RASEF: variants seen among roughly 807,000 people sequenced by gnomAD.
RASEF encodes RAS and EF-hand domain containing, also known as ras and EF-hand domain-containing protein.
RASEF carries 68 observed loss-of-function variants against 90.1 expected under a neutral mutation model. The observed-to-expected ratio is 0.75, with a 90% CI of 0.62 to 0.92. The LOEUF (loss-of-function observed/expected upper bound fraction) is 0.92, where lower values mean the gene tolerates loss of function less well. RASEF is among the 40% of genes least tolerant of loss of function. The pLI, the probability that RASEF is intolerant of heterozygous loss-of-function variation, is 0.00. For missense variants in RASEF, 949 were observed against 937.2 expected (o/e 1.01, Z -0.16); for synonymous variants, 331 against 345.2 (o/e 0.96, Z 0.46).
the RASEF span, among the ~76,000 whole-genome samples, chr9:83,154,985 C>T: frequency 6.6e-6 from 1 of 152,204 alleles, no homozygotes; most frequent in Non-Finnish European, 1.5e-5. Context: ...CCTCATCTAC[C>T]AGCCTGCTGA....
At chr9:83,060,006 T>C (rs1171332004) in intron 1 of RASEF, among the ~76,000 whole-genome samples, 1 of 152,202 alleles carries the variant, frequency 6.6e-6, no homozygotes, top group Non-Finnish European at 1.5e-5. Context: ...TTGCTTAATA[T>C]TTTGCTTGAA....
At chr9:83,155,456 A>AT in the RASEF span, among the ~76,000 whole-genome samples, 1 of 152,144 alleles carries the variant, frequency 6.6e-6, no homozygotes, top group Non-Finnish European at 1.5e-5. Context: ...AGCAAAATGG[A>AT]TTTCCCCCTA....
the RASEF span, among the ~76,000 whole-genome samples, chr9:83,090,499 G>A: frequency 6.6e-6 from 1 of 151,922 alleles, no homozygotes; most frequent in African/African-American, 2.4e-5. Flanking sequence ...CACCTCCCAG[G>A]TTCAAGTGAT....
At chr9:83,102,399 C>T in the RASEF span, among the ~76,000 whole-genome samples, 130 of 152,158 alleles carry the variant, frequency 8.5e-4, 2 homozygotes, top group Middle Eastern at 3.2e-3. Context: ...TCTTGCTGGA[C>T]CTTAGCTGCC....
At chr9:83,121,729 C>T in the RASEF span, among the ~76,000 whole-genome samples, 2 of 152,146 alleles carry the variant, frequency 1.3e-5, no homozygotes, top group African/African-American at 4.8e-5. Flanking sequence ...ACTAAGAGAG[C>T]TGACGCTACA....
chr9:83,026,967 C>T (rs533094260), intron 1 of RASEF, among the ~76,000 whole-genome samples: 15 of 152,272 alleles, frequency 9.9e-5, no homozygotes, highest in African/African-American at 3.4e-4. Context: ...TTCCAGGTTG[C>T]CACGTACACT....
the RASEF span, among the ~76,000 whole-genome samples, chr9:83,094,309 C>CA: frequency 2.5e-4 from 36 of 146,806 alleles, no homozygotes; most frequent in Non-Finnish European, 4.7e-4. Context: ...ACACTTAGTA[C>CA]AAAAAAAGCT....
At chr9:83,020,209 G>A (rs1300416387) in intron 3 of RASEF, among the ~76,000 whole-genome samples, 1 of 152,190 alleles carries the variant, frequency 6.6e-6, no homozygotes, top group East Asian at 1.9e-4. Flanking sequence ...GCAGGGCAGG[G>A]CATCAAGAAG....
At chr9:83,047,716 A>C (rs779540845) in intron 1 of RASEF, among the ~76,000 whole-genome samples, 1 of 152,218 alleles carries the variant, frequency 6.6e-6, no homozygotes, top group Non-Finnish European at 1.5e-5. Context: ...AATAACATCT[A>C]AGAGCAAACA....
chr9:83,164,855 T>C, the RASEF span, among the ~76,000 whole-genome samples: 1 of 152,000 alleles, frequency 6.6e-6, no homozygotes, highest in Non-Finnish European at 1.5e-5. Context: ...GGAGTAGCTA[T>C]ATTAATTTTG....
chr9:83,196,004 C>G, the RASEF span, among the ~76,000 whole-genome samples: 2 of 151,858 alleles, frequency 1.3e-5, no homozygotes, highest in East Asian at 3.9e-4. Context: ...AACTTGGACC[C>G]GGGGGTGGCA....
chr9:83,167,561 A>G, the RASEF span, among the ~76,000 whole-genome samples: 1 of 152,130 alleles, frequency 6.6e-6, no homozygotes, highest in Admixed American at 6.6e-5. Flanking sequence ...TTAAATGCAT[A>G]CAATCAGAGG....
At chr9:83,193,124 C>G in the RASEF span, among the ~76,000 whole-genome samples, 1 of 152,220 alleles carries the variant, frequency 6.6e-6, no homozygotes, top group Non-Finnish European at 1.5e-5. Context: ...TGGCCAACAA[C>G]AGAAAATGGG....
At chr9:83,093,425 G>A in the RASEF span, among the ~76,000 whole-genome samples, 5 of 152,356 alleles carry the variant, frequency 3.3e-5, no homozygotes, top group East Asian at 5.8e-4. Context: ...CGGGCTGCAG[G>A]TCCCAAGCCC....
chr9:83,182,367 A>T, the RASEF span, among the ~76,000 whole-genome samples: 2 of 152,206 alleles, frequency 1.3e-5, no homozygotes, highest in Non-Finnish European at 2.9e-5. Context: ...CAATCCACCG[A>T]CATTGGCACC....
chr9:83,147,556 G>A, the RASEF span, among the ~76,000 whole-genome samples: 1 of 152,114 alleles, frequency 6.6e-6, no homozygotes, highest in Non-Finnish European at 1.5e-5. Flanking sequence ...ACAAGCCAGG[G>A]TAAGCACTTT....
rs115826463 is a variant in RASEF, at chr9:82,989,334, T to G, written c.2117+1057A>C. The stretch of plus-strand genomic sequence containing the variant: ...GTTCAAGTGATCCTCCAGCCTTGCC[T>G]CTCATAAAAATGATAAAAATAATCA... On this transcript the variant is annotated intron_variant, in intron 16 of 16. Coordinates refer to ENST00000376447, the MANE Select transcript of RASEF (RefSeq NM_152573.4). Among the ~76,000 whole-genome samples, 1,101 of 152,210 alleles carry G rather than the reference T, an allele frequency of 7.2e-3. 16 individuals carry two copies. Among genetic ancestry groups the G allele is most frequent in the African/African-American group, 0.025 (1,039 of 41,516 alleles).
chr9:83,164,347 G>GTGTGTATACATA, the RASEF span, among the ~76,000 whole-genome samples: 1 of 129,988 alleles, frequency 7.7e-6, no homozygotes, highest in Admixed American at 7.9e-5. Flanking sequence ...GTATATGTGT[G>GTGTGTATACATA]TATATATATA....
intron 1 of RASEF, chr9:83,055,803 A>G (rs934118849): frequency 8.1e-6 from 5 of 617,820 alleles, no homozygotes; most frequent in Non-Finnish European, 1.2e-5. Context: ...AAACTCCCAA[A>G]GATATATGTA....
Sources: allele counts gnomAD v4.1 joint callset (sites outside exome capture counted in the v4.1 genomes callset), GRCh38; gene constraint gnomAD v4.1.1; transcripts MANE v1.5; gene names NCBI Gene and HGNC (gene_info 2026-07-23, HGNC 2026-07-21).